Variants in ADAMTS10 observed in about 807,000 individuals in gnomAD.
The protein encoded by ADAMTS10 is A disintegrin and metalloproteinase with thrombospondin motifs 10.
Under a neutral mutation model 135.9 loss-of-function variants are expected in ADAMTS10, and 48 were observed. The observed-to-expected ratio is 0.35, with a 90% CI of 0.28 to 0.45. The LOEUF is 0.45. Among genes scored for constraint, ADAMTS10 ranks in the 20% least tolerant of loss-of-function variants. The pLI, the probability that ADAMTS10 is intolerant of heterozygous loss-of-function variation, is 1.00. For synonymous variants in ADAMTS10, 621 were observed against 647.5 expected (o/e 0.96, Z 0.62); for missense variants, 1,131 against 1,565.2 (o/e 0.72, Z 4.68).
chr19:8,587,627 C>T (rs1391629571), intron 18 of ADAMTS10, among the ~76,000 whole-genome samples: 1 of 151,848 alleles, frequency 6.6e-6, no homozygotes, highest in African/African-American at 2.4e-5. Context: ...CACCACCACA[C>T]CCGCCTAATT....
At chr19:8,594,618 T>C (rs1466063346) in intron 12 of ADAMTS10, among the ~76,000 whole-genome samples, 3 of 152,202 alleles carry the variant, frequency 2.0e-5, no homozygotes, top group African/African-American at 7.2e-5. Flanking sequence ...ATCCCAGCTC[T>C]GTCATGGTCT....
chr19:8,588,183 G>A (rs183434999), intron 18 of ADAMTS10, among the ~76,000 whole-genome samples: 26 of 152,256 alleles, frequency 1.7e-4, no homozygotes, highest in Middle Eastern at 3.4e-3. Flanking sequence ...GGGAGGCAGA[G>A]GTTGCAGTGA....
chr19:8,594,038 T>C (rs1214246191), intron 12 of ADAMTS10, among the ~76,000 whole-genome samples: 1 of 152,208 alleles, frequency 6.6e-6, no homozygotes, highest in Non-Finnish European at 1.5e-5. Flanking sequence ...AGAGGACATT[T>C]CTCAGCTAAA....
intron 6 of ADAMTS10, among the ~76,000 whole-genome samples, chr19:8,598,087 CACA>C (rs1278287134): frequency 1.3e-5 from 2 of 151,508 alleles, no homozygotes; most frequent in Non-Finnish European, 2.9e-5. Flanking sequence ...GTGCTGGGAT[CACA>C]GGTGTGAGCC....
intron 6 of ADAMTS10, 133 bp downstream of exon 6, chr19:8,600,795 G>A (rs1296369094): frequency 2.5e-5 from 30 of 1,181,554 alleles, no homozygotes; most frequent in Admixed American, 2.4e-4. Flanking sequence ...ACCGCGCCCG[G>A]CCTGCAACCT....
intron 15 of ADAMTS10, among the ~76,000 whole-genome samples, chr19:8,590,385 T>G (rs2042506954): frequency 6.6e-6 from 1 of 152,202 alleles, no homozygotes; most frequent in South Asian, 2.1e-4. Flanking sequence ...GCAATTCTTC[T>G]GCCTCAGCCT....
Position 8,585,053 on chromosome 19 carries a change from CA to C in ADAMTS10, c.3043del (p.Cys1015AlafsTer58). The part of the protein sequence containing the change: ...ARWVAGEWGE[C>X]SAQCGVGQRQ... ...CTGCCCGACGCCGCACTGTGCAGAG[CA>C]CTGCGAGGGGGCACCACTCAGTTGC... On this transcript the variant is annotated frameshift_variant and splice_region_variant, in exon 25 of 26. Coordinates refer to ENST00000597188, the MANE Select transcript of ADAMTS10 (RefSeq NM_030957.4). LOFTEE classifies it high-confidence loss of function. 1 of 1,481,100 alleles carries C rather than the reference CA, an allele frequency of 6.8e-7. No homozygotes were observed. Among genetic ancestry groups the C allele is most frequent in the Non-Finnish European group, 9.1e-7 (1 of 1,104,798 alleles). The allele number at this position is 1,481,100 out of a possible 1,614,324, so 91.7% of individuals were successfully genotyped here.
In ADAMTS10 at chr19:8,586,553, G is replaced by A. The variant is rs2042434015; in HGVS notation, c.2403+5C>T. On this transcript the variant is annotated splice_donor_5th_base_variant and intron_variant, in intron 20 of 25. Transcript: ENST00000597188. ...GCTGCACCTTGCCCCCAGTCTCCCT[G>A]TTACCATGACGATGAGAGATGCATT... 6.2e-7 allele frequency: 1 copy of A among 1,613,420 alleles called. No individual in the cohort carries two copies. The highest frequency in any genetic ancestry group is 8.5e-7 in the Non-Finnish European group (1 of 1,180,020).
chr19:8,596,616 C>T lies in ADAMTS10; in HGVS notation c.1041-31G>A, dbSNP rs377447971. On this transcript the variant is annotated intron_variant, in intron 8 of 25. Transcript: ENST00000597188. The surrounding 1 kb of genome is among the most constrained non-coding windows in gnomAD (Gnocchi z 7.2). ...AAAGGAGACAGGGTCAGTGAGGGGG[C>T]TGGGCTGTCTCCCTAAGCCCTGCTG... The T allele has an allele frequency of 2.1e-5, 34 of 1,610,410 alleles. No individual in the cohort carries two copies. The highest frequency in any genetic ancestry group is 4.3e-4 in the Middle Eastern group (2 of 4,606).
In ADAMTS10 at chr19:8,605,496, C is replaced by A; in HGVS notation, c.88+127G>T. 2.0e-6 allele frequency: 3 copies of A among 1,477,720 alleles called. No homozygotes were observed. In the South Asian group the frequency reaches 3.7e-5, roughly 18 times the overall value. The allele number at this position is 1,477,720 out of a possible 1,614,324, so 91.5% of individuals were successfully genotyped here. A position where few individuals can be genotyped will look rare whatever the true frequency, so the allele number is the denominator to read the frequency against. ...AGGGAGTTGGCTGCAAGGCTCCCGC[C>A]TATTGACCCCAGGGCCTTCCCCCAT... On this transcript the variant is annotated intron_variant, in intron 3 of 25. Coordinates refer to ENST00000597188, the MANE Select transcript of ADAMTS10 (RefSeq NM_030957.4). This position sits in a 1 kb window ranked among gnomAD's most constrained non-coding sequence, Gnocchi z 7.7.
chr19:8,584,191 T>TA (rs2042392499), intron 25 of ADAMTS10, among the ~76,000 whole-genome samples: 3 of 99,502 alleles, frequency 3.0e-5, no homozygotes, highest in African/African-American at 1.2e-4. Context: ...AATAAAAAAA[T>TA]AAAAAAAATT....
In ADAMTS10 at chr19:8,597,269, G is replaced by A. The variant is rs1555740508; in HGVS notation, c.859C>T (p.Leu287Phe). The change falls in exon 7 of 26, where the codon CTC becomes TTC. Residue 287 changes from leucine to phenylalanine, a missense_variant. Leu to Phe is a conservative substitution (Grantham distance 22). Transcript: ENST00000597188. ...GTGAGCAGGATGAGGCGAGTTACGA[G>A]GATGTTAACGGTGCTTCCCAGACTC... ...DSSLGSTVNI[L>F]VTRLILLTED... is the part of the protein sequence containing the mutation. The A allele has an allele frequency of 6.2e-7, 1 of 1,614,158 alleles. No homozygotes were observed. Among genetic ancestry groups the A allele is most frequent in the Admixed American group, 1.7e-5 (1 of 60,020 alleles).
rs782427016 is a variant in ADAMTS10, at chr19:8,580,899, G to A, written c.3306C>T (p.Gly1102=). The part of the protein sequence containing the change: ...FRQMCCKTCH[G]H ...TCCGGGTGCCGCGCGCCCCCTAGTG[G>A]CCATGGCAGGTTTTGCAGCACATCT... The change falls in exon 26 of 26, where the codon GGC becomes GGT. Residue 1102 remains glycine (G), a synonymous_variant. Coordinates refer to ENST00000597188, the MANE Select transcript of ADAMTS10 (RefSeq NM_030957.4). The A allele has an allele frequency of 1.8e-5, 29 of 1,607,618 alleles. No individual in the cohort carries two copies. The South Asian group carries it at 2.7e-4, about 15-fold the overall frequency.
intron 7 of ADAMTS10, 24 bp from the exon 8 acceptor site, chr19:8,597,156 C>T: frequency 6.2e-7 from 1 of 1,614,152 alleles, no homozygotes; most frequent in Non-Finnish European, 8.5e-7. Context: ...GAGGGAAATG[C>T]ATGGGCACCC....
chr19:8,600,361 C>T (rs1211471382), intron 6 of ADAMTS10, among the ~76,000 whole-genome samples: 1 of 152,176 alleles, frequency 6.6e-6, no homozygotes, highest in East Asian at 1.9e-4. Flanking sequence ...GGCACCTCTG[C>T]ATCTAGTCAC....
intron 5 of ADAMTS10, among the ~76,000 whole-genome samples, chr19:8,603,044 G>A (rs1033143094): frequency 8.5e-5 from 13 of 152,262 alleles, no homozygotes; most frequent in African/African-American, 2.4e-4. Flanking sequence ...CAGTCTGATC[G>A]TAAATCTGGC....
At chr19:8,600,208 G>C (rs1555741120) in intron 6 of ADAMTS10, among the ~76,000 whole-genome samples, 1 of 152,168 alleles carries the variant, frequency 6.6e-6, no homozygotes, top group Non-Finnish European at 1.5e-5. Flanking sequence ...ATCTACCTTA[G>C]CTTTATAAAG....
intron 5 of ADAMTS10, among the ~76,000 whole-genome samples, chr19:8,603,314 G>A (rs142134899): frequency 5.9e-5 from 9 of 152,176 alleles, no homozygotes; most frequent in Non-Finnish European, 8.8e-5. Context: ...TTGCTGTGTC[G>A]CCCAGGCTGG....
chr19:8,597,354 A>T (rs782237786), intron 6 of ADAMTS10, 37 bp from the exon 7 acceptor site: 1 of 1,586,320 alleles, frequency 6.3e-7, no homozygotes, highest in African/African-American at 1.3e-5. Context: ...GAGTCTTAAG[A>T]GGAGCCCAGG....
Sources: allele counts gnomAD v4.1 joint callset (sites outside exome capture counted in the v4.1 genomes callset), GRCh38; gene constraint gnomAD v4.1.1; non-coding constraint Gnocchi (gnomAD v3.1); transcripts MANE v1.5; gene names NCBI Gene and HGNC (gene_info 2026-07-23, HGNC 2026-07-21).